Variants in SMC2 observed in about 807,000 individuals in gnomAD.
SMC2 encodes the protein structural maintenance of chromosomes 2, also known as structural maintenance of chromosomes protein 2.
SMC2 carries 41 observed loss-of-function variants against 142.6 expected under a neutral mutation model. The observed-to-expected ratio is 0.29, with a 90% confidence interval of 0.22 to 0.37. SMC2 has a LOEUF of 0.37. SMC2 is among the 10% of genes least tolerant of loss of function. The pLI, the probability that SMC2 is intolerant of heterozygous loss-of-function variation, is 1.00. For synonymous variants in SMC2, 463 were observed against 457.5 expected (o/e 1.01, Z -0.15); for missense variants, 1,265 against 1,373.7 (o/e 0.92, Z 1.25).
Position 104,123,121 on chromosome 9 carries a change from A to C in SMC2, c.2146A>C (p.Lys716Gln), listed in dbSNP as rs201329464. The C allele has an allele frequency of 7.8e-5, 125 of 1,611,002 alleles. 1 individual carries two copies. In the East Asian group the frequency reaches 1.1e-3, roughly 14 times the overall value. The change falls in exon 17 of 25, where the codon AAA becomes CAA. Residue 716 changes from lysine to glutamine, a missense_variant. Transcript: ENST00000374793. ...KNTAEKYRQL[K>Q]QQWEMKTEEA... ...TGTTTTTGTAAGGTATCGCCAACTA[A>C]AACAGCAGTGGGAGATGAAAACTGA...
intron 16 of SMC2, among the ~76,000 whole-genome samples, chr9:104,121,720 C>T (rs774542001): frequency 1.3e-5 from 2 of 152,222 alleles, no homozygotes; most frequent in African/African-American, 4.8e-5. Flanking sequence ...TTTGAGGACA[C>T]TAAATATGAG....
intron 17 of SMC2, 48 bp downstream of exon 17, chr9:104,123,280 G>C: frequency 3.8e-6 from 6 of 1,576,956 alleles, no homozygotes; most frequent in Non-Finnish European, 5.2e-6. Flanking sequence ...ATTCATATCC[G>C]TTACCTTACT....
intron 9 of SMC2, among the ~76,000 whole-genome samples, chr9:104,108,470 G>T (rs559380886): frequency 5.9e-5 from 9 of 152,282 alleles, no homozygotes; most frequent in African/African-American, 2.2e-4. Context: ...TGCATTGTAT[G>T]TGTTGGTTCT....
At chr9:104,107,045 T>C (rs1831880667) in intron 9 of SMC2, among the ~76,000 whole-genome samples, 1 of 152,096 alleles carries the variant, frequency 6.6e-6, no homozygotes. Context: ...CCCTGTGGTT[T>C]GTTTGGACCC....
Position 104,141,245 on chromosome 9 carries a change from C to T in SMC2, c.*1930C>T, listed in dbSNP as rs1252430646. 1 of 151,970 alleles carries T rather than the reference C, an allele frequency of 6.6e-6. No homozygotes were observed. The highest frequency in any genetic ancestry group is 1.9e-4 in the East Asian group (1 of 5,190). The allele number at this position is 151,970 out of a possible 1,614,324, so 9.4% of individuals were successfully genotyped here. On this transcript the variant is annotated 3_prime_UTR_variant, in exon 25 of 25. Coordinates refer to ENST00000374793, the MANE Select transcript of SMC2 (RefSeq NM_006444.3). ...ACTGTTGTTGTCAGCATGGTGTAAT[C>T]GAGGAATTGAGTGAGTTGAGCAGAA...
At chr9:104,131,902 G>A (rs891907949) in intron 21 of SMC2, 107 bp from the exon 22 acceptor site, 1 of 627,654 alleles carries the variant, frequency 1.6e-6, no homozygotes, top group African/African-American at 1.9e-5. Context: ...AAATAGCAAT[G>A]TATGTATTGT....
intron 17 of SMC2, among the ~76,000 whole-genome samples, chr9:104,124,623 AT>A (rs72030083): frequency 0.059 from 8,752 of 148,526 alleles, 666 homozygotes; most frequent in African/African-American, 0.18. Flanking sequence ...ATGATCTGTG[AT>A]TTTTTTTTTT....
At chr9:104,116,357 C>G (rs767369025) in intron 14 of SMC2, 38 bp downstream of exon 14, 6 of 1,547,784 alleles carry the variant, frequency 3.9e-6, no homozygotes, top group Non-Finnish European at 5.2e-6. Flanking sequence ...GTTTAATCGT[C>G]ATCTGTGGTT....
chr9:104,117,982 T>G (rs1418076362), intron 14 of SMC2, among the ~76,000 whole-genome samples, 189 bp from the exon 15 acceptor site: 2 of 152,214 alleles, frequency 1.3e-5, no homozygotes, highest in African/African-American at 4.8e-5. Flanking sequence ...CTTTCAGTAT[T>G]TAAACCTGCA....
the SMC2 span, among the ~76,000 whole-genome samples, chr9:104,088,279 C>G: frequency 6.6e-6 from 1 of 151,680 alleles, no homozygotes; most frequent in Non-Finnish European, 1.5e-5. Flanking sequence ...TTAAACTATT[C>G]TTTTCTGGCA....
intron 9 of SMC2, among the ~76,000 whole-genome samples, chr9:104,102,980 A>G (rs763220703): frequency 3.3e-5 from 5 of 152,168 alleles, no homozygotes; most frequent in Non-Finnish European, 2.9e-5. Context: ...GGAGCCTGTT[A>G]GACATCTTGA....
intron 14 of SMC2, among the ~76,000 whole-genome samples, 161 bp from the exon 15 acceptor site, chr9:104,118,010 C>CT: frequency 6.6e-6 from 1 of 151,848 alleles, no homozygotes; most frequent in East Asian, 1.9e-4. Context: ...TTTCCTGAAA[C>CT]TTTGAGTTTT....
Position 104,140,989 on chromosome 9 carries a change from G to A in SMC2, c.*1674G>A, listed in dbSNP as rs1252065209. Reference sequence around the variant, plus strand: ...AAATGTTTTGCTTGTGTGCGTTCCTGATTTTTGTCTTGTATAATCTTGATC... The same window carrying A: ...AAATGTTTTGCTTGTGTGCGTTCCTAATTTTTGTCTTGTATAATCTTGATC... On this transcript the variant is annotated 3_prime_UTR_variant, in exon 25 of 25. Coordinates refer to ENST00000374793, the MANE Select transcript of SMC2 (RefSeq NM_006444.3). 2 of 152,122 alleles carry A rather than the reference G, an allele frequency of 1.3e-5. No homozygotes were observed. The highest frequency in any genetic ancestry group is 2.9e-5 in the Non-Finnish European group (2 of 68,016). 9.4% of individuals were successfully genotyped at this position (152,122 alleles called of 1,614,324 possible).
chr9:104,116,365 G>A (rs760381254), intron 14 of SMC2, 46 bp downstream of exon 14: 4 of 1,516,726 alleles, frequency 2.6e-6, no homozygotes, highest in Admixed American at 4.7e-5. Context: ...GTCATCTGTG[G>A]TTTTTTTAAG....
At chr9:104,112,880 G>GTCT (rs1394284480) in intron 10 of SMC2, among the ~76,000 whole-genome samples, 3 of 151,956 alleles carry the variant, frequency 2.0e-5, no homozygotes, top group Non-Finnish European at 4.4e-5. Flanking sequence ...ATAATCTTAC[G>GTCT]TCTTATTGCT....
chr9:104,129,014 AAGG>A (rs1834625645), intron 20 of SMC2, among the ~76,000 whole-genome samples: 1 of 152,182 alleles, frequency 6.6e-6, no homozygotes, highest in Non-Finnish European at 1.5e-5. Flanking sequence ...GTAAATTCTG[AAGG>A]AGTTCTACCT....
At chr9:104,109,271 T>C (rs1372364440) in intron 9 of SMC2, among the ~76,000 whole-genome samples, 2 of 152,218 alleles carry the variant, frequency 1.3e-5, no homozygotes, top group Non-Finnish European at 2.9e-5. Context: ...CAGTGAATGG[T>C]ACCACTATTT....
At position 104,126,695 on chromosome 9, in the gene SMC2, T is replaced by A; in HGVS notation, c.2506T>A (p.Tyr836Asn). The change falls in exon 19 of 25, where the codon TAC becomes AAC. Residue 836 changes from tyrosine to asparagine, a missense_variant. Around this residue, in one of 4 missense-constraint regions of SMC2, gnomAD observed 898 missense variants for 904.2 expected, o/e 0.99. Coordinates refer to ENST00000374793, the MANE Select transcript of SMC2 (RefSeq NM_006444.3). ...AGAGCTCAAGAGAGAGCATACATCT[T>A]ACAAACAACAGCTTGAAGCTGTAAA... ...LEELKREHTS[Y>N]KQQLEAVNEA... is the part of the protein sequence containing the mutation. 2 of 1,612,874 alleles carry A rather than the reference T, an allele frequency of 1.2e-6. No individual in the cohort carries two copies. Among genetic ancestry groups the A allele is most frequent in the Non-Finnish European group, 1.7e-6 (2 of 1,179,582 alleles).
At chr9:104,134,323 G>A (rs1835301442) in intron 22 of SMC2, 92 bp from the exon 23 acceptor site, 2 of 890,512 alleles carry the variant, frequency 2.2e-6, no homozygotes, top group Admixed American at 2.9e-5. Flanking sequence ...AATAGACAAA[G>A]TAGACCTGCT....
Sources: gnomAD v4.1 joint callset for allele counts (sites outside exome capture counted in the v4.1 genomes callset) on GRCh38, gnomAD v4.1.1 for gene constraint, gnomAD v4.1.1 regional missense constraint, MANE v1.5 for transcripts, NCBI Gene and HGNC (gene_info 2026-07-23, HGNC 2026-07-21) for gene names.